HYOU1: variants seen among roughly 807,000 people sequenced by gnomAD.
The protein encoded by HYOU1 is hypoxia up-regulated protein 1.
HYOU1 carries 40 observed loss-of-function variants against 120.5 expected under a neutral mutation model. The observed-to-expected ratio is 0.33, with a 90% confidence interval of 0.26 to 0.43. The LOEUF is 0.43. Ranked by LOEUF, HYOU1 falls within the 20% of genes least tolerant of loss-of-function variation. The pLI is 1.00. For missense variants in HYOU1, 1,085 were observed against 1,278.3 expected, an observed-to-expected ratio of 0.85 and a Z score of 2.31; for synonymous variants, 501 against 479.4, an observed-to-expected ratio of 1.05 and a Z score of -0.59.
chr11:119,053,921 T>G, intron 8 of HYOU1, 200 bp downstream of exon 8: 1 of 507,504 alleles, frequency 2.0e-6, no homozygotes, highest in East Asian at 3.2e-5. Context: ...GTTCCATGTC[T>G]TCCAGTTTTC....
rs2133574140 is a variant in HYOU1 at position 119,049,577 on chromosome 11, C to T, written c.1785G>A (p.Glu595=). The T allele has an allele frequency of 3.1e-6, 5 of 1,614,048 alleles. No individual in the cohort carries two copies. In the East Asian group the frequency reaches 8.9e-5, roughly 29 times the overall value. ...TCACCTGGACAGTATCAGTACCATTCTCCTTGGCATCTGGTGTGGTACCGC... is the reference window on the plus strand; with the variant it reads ...TCACCTGGACAGTATCAGTACCATTTTCCTTGGCATCTGGTGTGGTACCGC... ...FGGGTTPDAK[E]NGTDTVQEEE... is the part of the protein sequence containing the mutation. The change falls in exon 16 of 26, where the codon GAG becomes GAA. Residue 595 remains glutamate (E), a synonymous_variant. Transcript: ENST00000617285.
At chr11:119,049,981 T>C (rs1944327289) in intron 14 of HYOU1, 144 bp from the exon 15 acceptor site, 2 of 747,728 alleles carry the variant, frequency 2.7e-6, no homozygotes, top group Admixed American at 4.1e-5. Context: ...GACTTGGAGG[T>C]GGCTGCCCAT....
Position 119,050,197 on chromosome 11 carries a change from AGGTCAGGG to A in HYOU1, c.1666-368_1666-361del, listed in dbSNP as rs1227652427. Among the ~76,000 whole-genome samples the A allele has an allele frequency of 5.3e-5, 8 of 152,290 alleles. No homozygotes were observed. The Middle Eastern group carries it at 0.01, about 194-fold the overall frequency. On this transcript the variant is annotated intron_variant, in intron 14 of 25. Coordinates refer to ENST00000617285, the MANE Select transcript of HYOU1 (RefSeq NM_006389.5). ...GAGGCCAAGGCAGGTGGATCACTTG[AGGTCAGGG>A]GTTTGAGACCAGACTGGCCAACATG... is the stretch of plus-strand genomic sequence containing the variant.
At position 119,047,857 on chromosome 11, in the gene HYOU1, A is replaced by G. The variant is rs1429752105; in HGVS notation, c.2511-39T>C. ...AGGAGACCATTAGCCCCAGAGGGAGAGGGGCCTGGAGTGTGGGGAGTGGGA... is the reference window on the plus strand; with the variant it reads ...AGGAGACCATTAGCCCCAGAGGGAGGGGGGCCTGGAGTGTGGGGAGTGGGA... On this transcript the variant is annotated intron_variant, in intron 21 of 25. Coordinates refer to ENST00000617285, the MANE Select transcript of HYOU1 (RefSeq NM_006389.5). 2.5e-6 allele frequency: 4 copies of G among 1,611,708 alleles called. No individual in the cohort carries two copies. The African/African-American group carries it at 4.0e-5, about 16-fold the overall frequency.
intron 14 of HYOU1, 43 bp from the exon 15 acceptor site, chr11:119,049,880 C>T (rs2133576277): frequency 3.8e-6 from 6 of 1,567,476 alleles, no homozygotes; most frequent in South Asian, 1.1e-5. Flanking sequence ...GGCTAATCCA[C>T]CTTTTCTCCA....
chr11:119,056,596 C>T (rs1480290397), intron 1 of HYOU1, among the ~76,000 whole-genome samples: 1 of 152,250 alleles, frequency 6.6e-6, no homozygotes, highest in African/African-American at 2.4e-5. Context: ...GCCAGCTGGG[C>T]CTGGACGGGA....
Position 119,049,735 on chromosome 11 carries a change from C to T in HYOU1, c.1726+42G>A, listed in dbSNP as rs2133575100. The stretch of plus-strand genomic sequence containing the variant: ...CCTGTCCACCTCCCCAACCTTCACA[C>T]AAGTATATTCTCTCCCATACACACA... On this transcript the variant is annotated intron_variant, in intron 15 of 25. Transcript: ENST00000617285. 6.6e-5 allele frequency: 107 copies of T among 1,610,186 alleles called. No homozygotes were observed. The Middle Eastern group carries it at 4.3e-3, about 64-fold the overall frequency.
Position 119,051,683 on chromosome 11 carries a change from T to G in HYOU1, c.1339-58A>C. 6.2e-7 allele frequency: 1 copy of G among 1,602,970 alleles called. No homozygotes were observed. The highest frequency in any genetic ancestry group is 8.5e-7 in the Non-Finnish European group (1 of 1,171,730). On this transcript the variant is annotated intron_variant, in intron 12 of 25. Transcript: ENST00000617285. This position sits in a 1 kb window ranked among gnomAD's most constrained non-coding sequence, Gnocchi z 4.2. ...CACACTAGAGAACCCGAGTAGGTTC[T>G]GGGGTAAGGATGGGGGTGGGATGGG...
Position 119,055,876 on chromosome 11 carries a change from C to G in HYOU1, c.92-33G>C, listed in dbSNP as rs782254155. On this transcript the variant is annotated intron_variant, in intron 2 of 25. Coordinates refer to ENST00000617285, the MANE Select transcript of HYOU1 (RefSeq NM_006389.5). This position sits in a 1 kb window ranked among gnomAD's most constrained non-coding sequence, Gnocchi z 4.0. ...GAAAAGAGGTTTGTCAGTTAGCTCT[C>G]CCTTCGCCCACCTTCCTGGGACTCC... is the stretch of plus-strand genomic sequence containing the variant. 1.3e-6 allele frequency: 2 copies of G among 1,576,180 alleles called. No individual in the cohort carries two copies. Among genetic ancestry groups the G allele is most frequent in the South Asian group, 1.1e-5 (1 of 90,290 alleles).
At chr11:119,049,340 G>C (rs1252682952) in intron 16 of HYOU1, 137 bp from the exon 17 acceptor site, 1 of 1,554,864 alleles carries the variant, frequency 6.4e-7, no homozygotes, top group African/African-American at 1.4e-5. Context: ...TGCTTGGACT[G>C]TGGCAATCTA....
In HYOU1 at chr11:119,052,201, C is replaced by T; in HGVS notation, c.1123-29G>A. 1 of 1,613,866 alleles carries T rather than the reference C, an allele frequency of 6.2e-7. No individual in the cohort carries two copies. Among genetic ancestry groups the T allele is most frequent in the African/African-American group, 1.3e-5 (1 of 75,072 alleles). ...CAGTGGGTAAGAATGACAGGTGCAA[C>T]AGCATGCAGTTAGCACTGACTCGTC... On this transcript the variant is annotated intron_variant, in intron 10 of 25. Transcript: ENST00000617285. This position sits in a 1 kb window ranked among gnomAD's most constrained non-coding sequence, Gnocchi z 5.0.
chr11:119,045,883 G>C lies in HYOU1; in HGVS notation c.2888-52C>G, dbSNP rs2133545870. On this transcript the variant is annotated intron_variant, in intron 24 of 25. Coordinates refer to ENST00000617285, the MANE Select transcript of HYOU1 (RefSeq NM_006389.5). ...TCCTCAGAAGGGAGGAAGAGGCTAAGGGAAGGCTGGGCCAGTTTTTCCATG... is the reference window on the plus strand; with the variant it reads ...TCCTCAGAAGGGAGGAAGAGGCTAACGGAAGGCTGGGCCAGTTTTTCCATG... 4.7e-3 allele frequency: 7,421 copies of C among 1,575,170 alleles called. 168 individuals are homozygous for C. In the African/African-American group the frequency reaches 0.063, roughly 13 times the overall value.
At chr11:119,054,742 A>G in intron 6 of HYOU1, 67 bp from the exon 7 acceptor site, 1 of 1,493,152 alleles carries the variant, frequency 6.7e-7, no homozygotes, top group Non-Finnish European at 9.1e-7. Context: ...TAATCTGGTC[A>G]CTAATGACAT....
At position 119,055,225 on chromosome 11, in the gene HYOU1, A is replaced by C. The variant is rs1221173066; in HGVS notation, c.379T>G (p.Phe127Val). 3 of 1,614,030 alleles carry C rather than the reference A, an allele frequency of 1.9e-6. No homozygotes were observed. Among genetic ancestry groups the C allele is most frequent in the Non-Finnish European group, 2.5e-6 (3 of 1,180,022 alleles). The change falls in exon 5 of 26, where the codon TTC becomes GTC. Residue 127 changes from phenylalanine to valine, a missense_variant. This residue lies in a region of HYOU1 where 515 missense variants were observed against 677.8 expected (regional missense o/e 0.76). Transcript: ENST00000617285. The surrounding 1 kb of genome is among the most constrained non-coding windows in gnomAD (Gnocchi z 4.0). ...TGCACAGTCTGCCTCTGTGGGTCGA[A>C]AGTCAGCTCGTGCTCCGGGAAGCGG... is the stretch of plus-strand genomic sequence containing the variant. ...QARFPEHELTFDPQRQTVHFQ... is the reference protein window; with the variant it reads ...QARFPEHELTVDPQRQTVHFQ...
At position 119,051,330 on chromosome 11, in the gene HYOU1, T is replaced by C; in HGVS notation, c.1526+108A>G. The C allele has an allele frequency of 4.0e-6, 6 of 1,487,050 alleles. No homozygotes were observed. The highest frequency in any genetic ancestry group is 5.5e-6 in the Non-Finnish European group (6 of 1,084,170). The allele number at this position is 1,487,050 out of a possible 1,614,324, so 92.1% of individuals were successfully genotyped here. A position where few individuals can be genotyped will look rare whatever the true frequency, so the allele number is the denominator to read the frequency against. The stretch of plus-strand genomic sequence containing the variant: ...CCAGCGAAGCTGATCATAGCTGCCC[T>C]GTTTCAGCCCCGCAGGCCCACATCC... On this transcript the variant is annotated intron_variant, in intron 13 of 25. Coordinates refer to ENST00000617285, the MANE Select transcript of HYOU1 (RefSeq NM_006389.5). The surrounding 1 kb of genome is among the most constrained non-coding windows in gnomAD (Gnocchi z 4.2).
intron 1 of HYOU1, 70 bp from the exon 2 acceptor site, chr11:119,056,237 A>G: frequency 9.4e-7 from 1 of 1,066,772 alleles, no homozygotes; most frequent in Non-Finnish European, 1.4e-6. Context: ...ATCACATCCC[A>G]GAACGGAGAG....
In HYOU1 at chr11:119,048,318, T is replaced by C. The variant is rs2134683179; in HGVS notation, c.2306A>G (p.Glu769Gly). Residue 769 changes from glutamate to glycine, a missense_variant, in exon 20 of 26, where the codon GAG becomes GGG. Around this residue, in one of 4 missense-constraint regions of HYOU1, gnomAD observed 516 missense variants for 517.1 expected, o/e 1.00. Transcript: ENST00000617285. This position sits in a 1 kb window ranked among gnomAD's most constrained non-coding sequence, Gnocchi z 4.7. ...YQEVSTEEQR[E>G]EISGKLSAAS... ...GGCGCTGAGCTTCCCAGAGATCTCC[T>C]CACGCTGCTCCTCTGTGGACACTTC... 1.9e-6 allele frequency: 3 copies of C among 1,610,732 alleles called. No individual in the cohort carries two copies. Among genetic ancestry groups the C allele is most frequent in the Non-Finnish European group, 2.5e-6 (3 of 1,179,942 alleles).
At position 119,052,460 on chromosome 11, in the gene HYOU1, C is replaced by G; in HGVS notation, c.988-31G>C. 6.2e-7 allele frequency: 1 copy of G among 1,613,940 alleles called. No individual in the cohort carries two copies. Among genetic ancestry groups the G allele is most frequent in the Non-Finnish European group, 8.5e-7 (1 of 1,179,968 alleles). ...AGAGGATGGGGACTGTCAGGGGGTT[C>G]TTGCCCAGCTCCCGCTCTCTTGGTG... On this transcript the variant is annotated intron_variant, in intron 9 of 25. Transcript: ENST00000617285. This position sits in a 1 kb window ranked among gnomAD's most constrained non-coding sequence, Gnocchi z 5.0.
At chr11:119,050,719 CCAAAAAAAAAAAAAAAAAAAAAAAA>C (rs1330275757) in intron 14 of HYOU1, among the ~76,000 whole-genome samples, 3 of 52,872 alleles carry the variant, frequency 5.7e-5, no homozygotes, top group East Asian at 1.4e-3. Flanking sequence ...AAGACCCTCT[CCAAAAAAAAAAAAAAAAAAAAAAAA>C]AAAAAAAAAA....
Sources: gnomAD v4.1 joint callset for allele counts (sites outside exome capture counted in the v4.1 genomes callset) on GRCh38, gnomAD v4.1.1 for gene constraint, gnomAD v4.1.1 regional missense constraint, Gnocchi (gnomAD v3.1) non-coding constraint, MANE v1.5 for transcripts, NCBI Gene and HGNC (gene_info 2026-07-23, HGNC 2026-07-21) for gene names.